ATP2B2: variants seen among roughly 807,000 people sequenced by gnomAD.
The protein encoded by ATP2B2 is plasma membrane calcium-transporting ATPase 2.
ATP2B2 carries 15 observed loss-of-function variants against 120.0 expected under a neutral mutation model. The ratio of observed to expected loss-of-function variants is 0.12; its 90% CI spans 0.08 to 0.19. ATP2B2 has a LOEUF of 0.19. Among genes scored for constraint, ATP2B2 ranks in the 10% least tolerant of loss-of-function variants. The pLI is 1.00. For missense variants in ATP2B2, 1,045 were observed against 1,719.8 expected (o/e 0.61, Z 6.94); for synonymous variants, 694 against 700.3 (o/e 0.99, Z 0.14).
intron 3 of ATP2B2, among the ~76,000 whole-genome samples, chr3:10,528,508 T>C (rs540599934): frequency 6.6e-6 from 1 of 152,326 alleles, no homozygotes; most frequent in South Asian, 2.1e-4. Context: ...ACATTTATTG[T>C]TTCCTGCTGA....
chr3:10,420,515 C>T (rs553070439), intron 2 of ATP2B2, among the ~76,000 whole-genome samples: 7 of 152,342 alleles, frequency 4.6e-5, no homozygotes, highest in African/African-American at 1.2e-4. Context: ...GTGCCTGCCA[C>T]CATGCCTGGC....
intron 3 of ATP2B2, among the ~76,000 whole-genome samples, chr3:10,510,882 A>C (rs565973633): frequency 1.3e-5 from 2 of 151,454 alleles, no homozygotes; most frequent in Non-Finnish European, 3.0e-5. Context: ...ATCAATCCTG[A>C]CTCCTAACTG....
In ATP2B2 at chr3:10,385,328, C is replaced by T. The variant is rs1167853871; in HGVS notation, c.941-1G>A. 1 of 1,613,656 alleles carries T rather than the reference C, an allele frequency of 6.2e-7. No individual in the cohort carries two copies. ...TTTGAAGCTGCCGCACCGTCTGCTG[C>T]TGCAGGGGGGTGGGAGGGATGGAAA... On this transcript the variant is annotated splice_acceptor_variant, in intron 7 of 22. Transcript: ENST00000360273. LOFTEE classifies it high-confidence loss of function.
chr3:10,484,208 G>C (rs535349166), intron 1 of ATP2B2, among the ~76,000 whole-genome samples: 1 of 152,230 alleles, frequency 6.6e-6, no homozygotes, highest in South Asian at 2.1e-4. Context: ...TGAGTTCCTG[G>C]AAACTCTGGA....
At chr3:10,681,872 C>G (rs1215216773) in intron 1 of ATP2B2, among the ~76,000 whole-genome samples, 1 of 152,216 alleles carries the variant, frequency 6.6e-6, no homozygotes, top group African/African-American at 2.4e-5. Flanking sequence ...CAGTCCCTGT[C>G]TTTGAGAATT....
Position 10,369,006 on chromosome 3 carries a change from A to G in ATP2B2, c.1659+2803T>C, listed in dbSNP as rs758995717. Among the ~76,000 whole-genome samples, 132 of 152,352 alleles carry G rather than the reference A, an allele frequency of 8.7e-4. 1 individual carries two copies. The highest frequency in any genetic ancestry group is 1.4e-3 in the Admixed American group (21 of 15,304). On this transcript the variant is annotated intron_variant, in intron 12 of 22. Coordinates refer to ENST00000360273, the MANE Select transcript of ATP2B2 (RefSeq NM_001001331.4). ...CTTAAAAAGCCCACAGCCTGGCATC[A>G]GACAGCAAGAAGACACAGAGGAACT...
At chr3:10,705,629 G>GC (rs2071884622) in intron 1 of ATP2B2, among the ~76,000 whole-genome samples, 2 of 152,216 alleles carry the variant, frequency 1.3e-5, no homozygotes. Context: ...AGTAGCAGAG[G>GC]TGGTCCCAGC....
At chr3:10,639,134 A>T (rs2070101949) in intron 1 of ATP2B2, among the ~76,000 whole-genome samples, 1 of 152,198 alleles carries the variant, frequency 6.6e-6, no homozygotes, top group Non-Finnish European at 1.5e-5. Flanking sequence ...ACCATCCATA[A>T]AAGAACAAAT....
intron 1 of ATP2B2, among the ~76,000 whole-genome samples, chr3:10,650,864 C>T (rs2082666): frequency 0.31 from 46,666 of 152,140 alleles, 10,693 homozygotes; most frequent in African/African-American, 0.64. Context: ...GTTGAGCTTC[C>T]CAAGGCCACG....
intron 2 of ATP2B2, among the ~76,000 whole-genome samples, chr3:10,594,146 G>A (rs2068707649): frequency 6.6e-6 from 1 of 152,208 alleles, no homozygotes; most frequent in South Asian, 2.1e-4. Flanking sequence ...AACCATTGTG[G>A]AAGACAGTGT....
At chr3:10,388,430 C>T (rs2061746981) in intron 5 of ATP2B2, 28 bp from the exon 6 acceptor site, 3 of 1,613,974 alleles carry the variant, frequency 1.9e-6, no homozygotes, top group Non-Finnish European at 2.5e-6. Context: ...AGCCAAGTTA[C>T]CATTGCATGG....
intron 2 of ATP2B2, among the ~76,000 whole-genome samples, chr3:10,433,689 T>C (rs113389197): frequency 5.8e-4 from 88 of 152,118 alleles, no homozygotes; most frequent in African/African-American, 2.0e-3. Flanking sequence ...GATTTGAAAA[T>C]ACTGAAGAGC....
rs75605464 is a variant in ATP2B2 at position 10,700,561 on chromosome 3, C to G, written c.-460+7354G>C. Among the ~76,000 whole-genome samples, 399 of 152,292 alleles carry G rather than the reference C, an allele frequency of 2.6e-3. 9 individuals are homozygous for G. In the East Asian group the frequency reaches 0.065, roughly 25 times the overall value. On this transcript the variant is annotated intron_variant, in intron 1 of 21. Coordinates refer to the ATP2B2 transcript ENST00000646379. ...GCCATTACCTTGCAGAGCTGTGTCT[C>G]TCCCCCATTTTGTGTTCGTAATACC...
At chr3:10,516,501 A>C (rs1309937416) in intron 3 of ATP2B2, among the ~76,000 whole-genome samples, 1 of 152,168 alleles carries the variant, frequency 6.6e-6, no homozygotes, top group African/African-American at 2.4e-5. Context: ...CTTAGCTGCC[A>C]GCACCTCAGA....
At chr3:10,372,165 C>A (rs1460170286) in intron 11 of ATP2B2, 114 bp from the exon 12 acceptor site, 3 of 1,453,554 alleles carry the variant, frequency 2.1e-6, no homozygotes, top group Non-Finnish European at 2.9e-6. Context: ...CCACAGCCTG[C>A]CCCTTTGCTT....
intron 1 of ATP2B2, among the ~76,000 whole-genome samples, chr3:10,461,850 C>T (rs2064504577): frequency 6.6e-6 from 1 of 152,176 alleles, no homozygotes; most frequent in Admixed American, 6.5e-5. Context: ...CAAATGCCAC[C>T]TCCTGGTAGG....
chr3:10,325,032 A>G lies in ATP2B2; in HGVS notation c.*3782T>C, dbSNP rs1210125899. On this transcript the variant is annotated 3_prime_UTR_variant, in exon 23 of 23. Coordinates refer to ENST00000360273, the MANE Select transcript of ATP2B2 (RefSeq NM_001001331.4). ...GGGGGCCTGGTGACCTCTCATGACA[A>G]CTCCTGGGCTTAGGGGGCAGGTGAA... 2.0e-5 allele frequency: 3 copies of G among 151,986 alleles called. No individual in the cohort carries two copies. The highest frequency in any genetic ancestry group is 6.6e-5 in the Admixed American group (1 of 15,256). The allele number at this position is 151,986 out of a possible 1,614,324, so 9.4% of individuals were successfully genotyped here.
At chr3:10,483,731 C>T (rs897233255) in intron 1 of ATP2B2, among the ~76,000 whole-genome samples, 6 of 152,140 alleles carry the variant, frequency 3.9e-5, no homozygotes, top group African/African-American at 1.4e-4. Context: ...AGGAAATTTC[C>T]ATGGTGATGG....
chr3:10,493,319 A>G (rs1259699254), intron 1 of ATP2B2, among the ~76,000 whole-genome samples: 1 of 152,178 alleles, frequency 6.6e-6, no homozygotes, highest in Non-Finnish European at 1.5e-5. Flanking sequence ...CAGCTTGATG[A>G]GAAGGAATCT....
Sources: gnomAD v4.1 joint callset for allele counts (sites outside exome capture counted in the v4.1 genomes callset) on GRCh38, gnomAD v4.1.1 for gene constraint, MANE v1.5 for transcripts, NCBI Gene and HGNC (gene_info 2026-07-23, HGNC 2026-07-21) for gene names.